Variants in HDHD2 observed in about 807,000 individuals in gnomAD.
HDHD2 encodes the protein haloacid dehalogenase-like hydrolase domain-containing protein 2.
Under a neutral mutation model 24.8 loss-of-function variants are expected in HDHD2, and 26 were observed. The observed-to-expected ratio is 1.05, with a 90% CI of 0.77 to 1.45. The LOEUF (loss-of-function observed/expected upper bound fraction) is 1.45. Among genes scored for constraint, HDHD2 ranks in the 40% most tolerant of loss-of-function variants. The pLI, the probability that HDHD2 is intolerant of heterozygous loss-of-function variation, is 0.00. For missense variants in HDHD2, 299 were observed against 313.4 expected (o/e 0.95, Z 0.35); for synonymous variants, 128 against 114.9 (o/e 1.11, Z -0.73).
intron 2 of HDHD2, 58 bp from the exon 3 acceptor site, chr18:47,134,762 A>G (rs1193827700): frequency 7.2e-7 from 1 of 1,385,642 alleles, no homozygotes; most frequent in Non-Finnish European, 1.0e-6. Context: ...GCCCTATAAA[A>G]TCTCCTAATT....
chr18:47,133,346 T>C (rs976051650), intron 3 of HDHD2, among the ~76,000 whole-genome samples: 1 of 152,092 alleles, frequency 6.6e-6, no homozygotes, highest in Non-Finnish European at 1.5e-5. Flanking sequence ...TATGGATGCA[T>C]AGTATTCCAT....
intron 4 of HDHD2, among the ~76,000 whole-genome samples, chr18:47,125,362 G>A (rs752148527): frequency 1.6e-4 from 24 of 152,010 alleles, no homozygotes; most frequent in Non-Finnish European, 2.4e-4. Context: ...ATTACCTATC[G>A]TACTATCTAG....
In HDHD2 at chr18:47,108,556, AC is replaced by A; in HGVS notation, c.*125del. On this transcript the variant is annotated 3_prime_UTR_variant, in exon 7 of 7. Coordinates refer to ENST00000300605, the MANE Select transcript of HDHD2 (RefSeq NM_032124.5). ...TACCTTTCTTTCTAATTAATGCACA[AC>A]AAAAGAGGGTTAAAAAGCGATCAGC... 1.9e-6 allele frequency: 1 copy of A among 530,398 alleles called. No homozygotes were observed. Among genetic ancestry groups the A allele is most frequent in the South Asian group, 3.3e-5 (1 of 30,416 alleles). The allele number at this position is 530,398 out of a possible 1,614,324, so 32.9% of individuals were successfully genotyped here. A position where few individuals can be genotyped will look rare whatever the true frequency, so the allele number is the denominator to read the frequency against.
chr18:47,130,405 C>A, intron 3 of HDHD2, 77 bp from the exon 4 acceptor site: 1 of 893,288 alleles, frequency 1.1e-6, no homozygotes, highest in South Asian at 1.5e-5. Flanking sequence ...TAGTCTTAGT[C>A]AATCAAGTGC....
At chr18:47,150,058 T>A (rs916656964) in intron 1 of HDHD2, 3 of 152,304 alleles carry the variant, frequency 2.0e-5, no homozygotes, top group African/African-American at 7.2e-5. Context: ...AACGCCAAAC[T>A]GACCAGGAGG....
chr18:47,124,038 C>T (rs2063632868), intron 4 of HDHD2, among the ~76,000 whole-genome samples: 1 of 152,214 alleles, frequency 6.6e-6, no homozygotes, highest in Admixed American at 6.5e-5. Flanking sequence ...TGATTTACGT[C>T]AAAAGCACAA....
chr18:47,139,663 C>CA (rs2063802268), intron 1 of HDHD2, among the ~76,000 whole-genome samples: 1 of 152,078 alleles, frequency 6.6e-6, no homozygotes, highest in South Asian at 2.1e-4. Flanking sequence ...ATGGAGGAGG[C>CA]AGTCTTGGAG....
intron 3 of HDHD2, among the ~76,000 whole-genome samples, chr18:47,130,617 G>GT (rs2063704945): frequency 6.6e-6 from 1 of 152,158 alleles, no homozygotes; most frequent in Non-Finnish European, 1.5e-5. Context: ...ATTGAAAATT[G>GT]TAACCTGATG....
At chr18:47,134,800 G>T in intron 2 of HDHD2, 96 bp from the exon 3 acceptor site, 1 of 945,418 alleles carries the variant, frequency 1.1e-6, no homozygotes, top group Non-Finnish European at 1.6e-6. Flanking sequence ...ATGTTTTTAT[G>T]GCCAGCAACA....
intron 1 of HDHD2, among the ~76,000 whole-genome samples, chr18:47,141,464 G>C (rs1212224503): frequency 6.6e-6 from 1 of 152,152 alleles, no homozygotes; most frequent in Non-Finnish European, 1.5e-5. Flanking sequence ...AGTCATTAAA[G>C]AGGGTAGGGA....
intron 4 of HDHD2, among the ~76,000 whole-genome samples, chr18:47,128,204 C>T (rs1046036330): frequency 4.6e-5 from 7 of 152,130 alleles, no homozygotes; most frequent in East Asian, 1.9e-4. Context: ...AGACAGCATC[C>T]GAGCAATTAC....
intron 6 of HDHD2, chr18:47,111,528 AC>A: frequency 3.0e-6 from 3 of 985,394 alleles, no homozygotes; most frequent in Non-Finnish European, 3.6e-6. Context: ...GAGTGTGGCT[AC>A]TTTTCCAGAC....
chr18:47,142,170 C>T (rs2063825382), intron 1 of HDHD2, among the ~76,000 whole-genome samples: 1 of 151,606 alleles, frequency 6.6e-6, no homozygotes, highest in South Asian at 2.1e-4. Context: ...TGAACTAGTA[C>T]AGATTTTTAG....
At chr18:47,134,753 C>T (rs756220889) in intron 2 of HDHD2, 49 bp from the exon 3 acceptor site, 1 of 1,461,344 alleles carries the variant, frequency 6.8e-7, no homozygotes, top group Non-Finnish European at 9.5e-7. Flanking sequence ...TACATTCTGG[C>T]CCTATAAAAT....
Position 47,134,573 on chromosome 18 carries a change from G to A in HDHD2, c.233C>T (p.Ala78Val). 1 of 1,614,050 alleles carries A rather than the reference G, an allele frequency of 6.2e-7. No individual in the cohort carries two copies. The highest frequency in any genetic ancestry group is 2.2e-5 in the East Asian group (1 of 44,878). ...SEDEIFTSLT[A>V]ARSLLERKQV... ...TTTCCGCTCTAGTAAACTTCTGGCT[G>A]CAGTCAGAGATGTGAATATTTCATC... The change falls in exon 3 of 7, where the codon GCA becomes GTA. Residue 78 changes from alanine (A) to valine (V), a missense_variant. Ala to Val is a moderately conservative substitution (Grantham distance 64). Coordinates refer to ENST00000300605, the MANE Select transcript of HDHD2 (RefSeq NM_032124.5).
At chr18:47,127,210 A>G (rs1324336915) in intron 4 of HDHD2, among the ~76,000 whole-genome samples, 1 of 152,172 alleles carries the variant, frequency 6.6e-6, no homozygotes, top group Non-Finnish European at 1.5e-5. Flanking sequence ...TGGCAAAGCA[A>G]TTCATTGTGC....
chr18:47,128,996 G>C (rs2063686541), intron 4 of HDHD2, among the ~76,000 whole-genome samples: 1 of 151,556 alleles, frequency 6.6e-6, no homozygotes, highest in South Asian at 2.1e-4. Context: ...GAAAATTCTG[G>C]TTTGTTTTTT....
chr18:47,130,977 T>C (rs750342247), intron 3 of HDHD2, among the ~76,000 whole-genome samples: 11 of 152,140 alleles, frequency 7.2e-5, no homozygotes, highest in Admixed American at 2.6e-4. Flanking sequence ...ACTTTATTTA[T>C]TTATTTATTT....
chr18:47,129,140 T>C (rs1237930705), intron 4 of HDHD2, among the ~76,000 whole-genome samples: 2 of 152,154 alleles, frequency 1.3e-5, no homozygotes, highest in African/African-American at 4.8e-5. Flanking sequence ...TACTGTTTAA[T>C]GGTTTGACAA....
Sources: allele counts gnomAD v4.1 joint callset (sites outside exome capture counted in the v4.1 genomes callset), GRCh38; gene constraint gnomAD v4.1.1; transcripts MANE v1.5; gene names NCBI Gene and HGNC (gene_info 2026-07-23, HGNC 2026-07-21).